PRIMPOL: variants seen among roughly 807,000 people sequenced by gnomAD.
The protein encoded by PRIMPOL is primase and DNA directed polymerase.
Under a neutral mutation model 63.6 loss-of-function variants are expected in PRIMPOL, and 54 were observed. The observed-to-expected ratio is 0.85, with a 90% confidence interval of 0.68 to 1.07. The LOEUF is 1.07. Ranked by LOEUF, PRIMPOL falls within the 50% of genes least tolerant of loss-of-function variation. The pLI, the probability that PRIMPOL is intolerant of heterozygous loss-of-function variation, is 0.00. For missense variants in PRIMPOL, 610 were observed against 648.3 expected, an observed-to-expected ratio of 0.94 and a Z score of 0.64; for synonymous variants, 197 against 220.2, an observed-to-expected ratio of 0.89 and a Z score of 0.93.
intron 9 of PRIMPOL, among the ~76,000 whole-genome samples, chr4:184,685,030 T>C (rs1399840113): frequency 1.3e-5 from 2 of 151,896 alleles, no homozygotes; most frequent in African/African-American, 2.4e-5. Flanking sequence ...TGAAGTTCTG[T>C]GAGATTGCCT....
intron 8 of PRIMPOL, among the ~76,000 whole-genome samples, chr4:184,679,293 TA>T (rs1198611970): frequency 6.6e-6 from 1 of 152,072 alleles, no homozygotes; most frequent in East Asian, 1.9e-4. Flanking sequence ...GATCATTTTT[TA>T]AAAGTGTTAA....
chr4:184,655,036 A>T (rs1365310123), intron 2 of PRIMPOL, among the ~76,000 whole-genome samples: 1 of 151,016 alleles, frequency 6.6e-6, no homozygotes, highest in East Asian at 2.0e-4. Flanking sequence ...GAGATGGAGT[A>T]GTCCCAGCTA....
chr4:184,677,825 G>A (rs548804835), intron 7 of PRIMPOL, among the ~76,000 whole-genome samples: 1 of 152,142 alleles, frequency 6.6e-6, no homozygotes, highest in Non-Finnish European at 1.5e-5. Context: ...CTATAATGTT[G>A]TATAATGTAC....
intron 6 of PRIMPOL, 47 bp from the exon 7 acceptor site, chr4:184,672,126 G>T: frequency 6.8e-7 from 1 of 1,474,104 alleles, no homozygotes; most frequent in Non-Finnish European, 9.3e-7. Context: ...CTTAAGATGC[G>T]GTGTGTGGAG....
At chr4:184,675,666 A>G (rs1303411587) in intron 7 of PRIMPOL, among the ~76,000 whole-genome samples, 1 of 152,074 alleles carries the variant, frequency 6.6e-6, no homozygotes, top group African/African-American at 2.4e-5. Context: ...AAAAGACAAA[A>G]ATTAGCCGGG....
intron 11 of PRIMPOL, among the ~76,000 whole-genome samples, chr4:184,687,317 C>T (rs141385897): frequency 0.033 from 4,945 of 151,958 alleles, 237 homozygotes; most frequent in African/African-American, 0.1. Context: ...GTGATCTGCC[C>T]GCCTTGGCCT....
intron 1 of PRIMPOL, among the ~76,000 whole-genome samples, chr4:184,650,347 G>A (rs1360803043): frequency 6.6e-6 from 1 of 152,230 alleles, no homozygotes; most frequent in Non-Finnish European, 1.5e-5. Context: ...TGGGCCGAGA[G>A]GTCCTTCTGC....
At chr4:184,680,038 A>G (rs1234166848) in intron 8 of PRIMPOL, among the ~76,000 whole-genome samples, 1 of 152,220 alleles carries the variant, frequency 6.6e-6, no homozygotes, top group East Asian at 1.9e-4. Context: ...TGCAGTTTCC[A>G]AGAATCTATC....
chr4:184,689,446 CTTTTTTTTTTTTT>C (rs70962517), intron 11 of PRIMPOL, among the ~76,000 whole-genome samples: 3 of 50,250 alleles, frequency 6.0e-5, no homozygotes, highest in Non-Finnish European at 1.0e-4. Context: ...GTTAATGGTG[CTTTTTTTTTTTTT>C]TTTTTTTTTT....
At chr4:184,650,231 C>T (rs1486847199) in intron 1 of PRIMPOL, among the ~76,000 whole-genome samples, 1 of 152,216 alleles carries the variant, frequency 6.6e-6, no homozygotes, top group African/African-American at 2.4e-5. Context: ...ACAAGTTAAG[C>T]ATCCCACAAC....
At chr4:184,660,721 G>T (rs577115610) in intron 4 of PRIMPOL, among the ~76,000 whole-genome samples, 79 of 152,248 alleles carry the variant, frequency 5.2e-4, no homozygotes, top group Admixed American at 4.7e-3. Flanking sequence ...ATATGGAACT[G>T]ACTGCTACAG....
intron 3 of PRIMPOL, among the ~76,000 whole-genome samples, chr4:184,658,046 C>G (rs1197774683): frequency 2.1e-5 from 3 of 143,500 alleles, no homozygotes; most frequent in African/African-American, 7.7e-5. Flanking sequence ...ATCACTAAAT[C>G]AAGCAACAGA....
In PRIMPOL at chr4:184,671,738, GTTT is replaced by G. The variant is rs57281352; in HGVS notation, c.557-418_557-416del. Reference sequence around the variant, plus strand: ...GCATATAACAATTTATAGCGACTCGGTTTTTTTTTTTTTTTTTTTGGTAAGATG... The same window carrying G: ...GCATATAACAATTTATAGCGACTCGGTTTTTTTTTTTTTTTTGGTAAGATG... On this transcript the variant is annotated intron_variant, in intron 6 of 13. Transcript: ENST00000314970. Among the ~76,000 whole-genome samples, 7 of 95,468 alleles carry G rather than the reference GTTT, an allele frequency of 7.3e-5. No individual in the cohort carries two copies. The East Asian group carries it at 1.6e-3, about 22-fold the overall frequency. The allele number at this position is 95,468 out of a possible 152,430, so 62.6% of individuals were successfully genotyped here.
At chr4:184,690,878 A>G (rs1214106013) in intron 11 of PRIMPOL, among the ~76,000 whole-genome samples, 2 of 152,124 alleles carry the variant, frequency 1.3e-5, no homozygotes, top group East Asian at 1.9e-4. Flanking sequence ...TCCTTGAACC[A>G]TTGGTTGTTT....
intron 3 of PRIMPOL, among the ~76,000 whole-genome samples, chr4:184,658,235 A>C (rs1157589266): frequency 6.6e-6 from 1 of 152,244 alleles, no homozygotes; most frequent in East Asian, 1.9e-4. Context: ...TAGTAAGGGT[A>C]GGCTTACTCA....
chr4:184,667,089 T>C (rs980748490), intron 6 of PRIMPOL, among the ~76,000 whole-genome samples: 2 of 152,260 alleles, frequency 1.3e-5, no homozygotes, highest in Admixed American at 6.5e-5. Context: ...GGCGTGGACA[T>C]GGTCACTAAA....
chr4:184,686,468 T>C (rs1757004909), intron 11 of PRIMPOL, among the ~76,000 whole-genome samples: 2 of 152,234 alleles, frequency 1.3e-5, no homozygotes, highest in Non-Finnish European at 2.9e-5. Flanking sequence ...AGGGAACTAG[T>C]ATTTATTGAA....
intron 8 of PRIMPOL, among the ~76,000 whole-genome samples, chr4:184,680,535 A>C (rs1755349277): frequency 6.6e-6 from 1 of 152,204 alleles, no homozygotes. Context: ...TAATTTTAGT[A>C]ATTGTCTAAA....
At chr4:184,659,464 A>T (rs764539904) in intron 4 of PRIMPOL, 27 bp downstream of exon 4, 1 of 1,470,342 alleles carries the variant, frequency 6.8e-7, no homozygotes, top group Admixed American at 1.7e-5. Flanking sequence ...AGAACCACAC[A>T]TTAAGCTAGA....
Sources: allele counts gnomAD v4.1 joint callset (sites outside exome capture counted in the v4.1 genomes callset), GRCh38; gene constraint gnomAD v4.1.1; transcripts MANE v1.5; gene names NCBI Gene and HGNC (gene_info 2026-07-23, HGNC 2026-07-21).